The following VPS41 variants were observed in gnomAD, a reference collection of about 807,000 sequenced individuals.
The protein encoded by VPS41 is vacuolar protein sorting-associated protein 41 homolog.
Under a neutral mutation model 130.9 loss-of-function variants are expected in VPS41, and 85 were observed. That is an observed-to-expected ratio of 0.65 (90% CI 0.55 to 0.78). The LOEUF is 0.78. Ranked by LOEUF, VPS41 falls within the 30% of genes least tolerant of loss-of-function variation. VPS41 has a pLI of 0.00. For synonymous variants in VPS41, 335 were observed against 332.9 expected, an observed-to-expected ratio of 1.01 and a Z score of -0.07; for missense variants, 874 against 1,018.7, an observed-to-expected ratio of 0.86 and a Z score of 1.93.
chr7:38,846,431 C>T (rs1312080350), intron 4 of VPS41, among the ~76,000 whole-genome samples: 1 of 152,154 alleles, frequency 6.6e-6, no homozygotes, highest in African/African-American at 2.4e-5. Flanking sequence ...GAGAAGATGA[C>T]ACCGATAATT....
chr7:38,780,086 A>G (rs1784329087), intron 10 of VPS41, among the ~76,000 whole-genome samples: 1 of 136,920 alleles, frequency 7.3e-6, no homozygotes, highest in African/African-American at 2.5e-5. Flanking sequence ...ATTATCTGGA[A>G]AAGATAAATC....
intron 2 of VPS41, among the ~76,000 whole-genome samples, chr7:38,877,146 C>G (rs542415215): frequency 6.6e-6 from 1 of 152,234 alleles, no homozygotes; most frequent in African/African-American, 2.4e-5. Context: ...CCTAACAGAA[C>G]TGTGGGTACC....
chr7:38,753,136 C>T (rs966263234), intron 21 of VPS41, among the ~76,000 whole-genome samples: 1 of 152,056 alleles, frequency 6.6e-6, no homozygotes, highest in South Asian at 2.1e-4. Context: ...TAAACAAAAA[C>T]CCCACAATCT....
chr7:38,877,779 G>A (rs557399569), intron 2 of VPS41, among the ~76,000 whole-genome samples: 3 of 152,250 alleles, frequency 2.0e-5, no homozygotes, highest in East Asian at 3.9e-4. Context: ...TGACACATTT[G>A]TTGAATCTAA....
intron 5 of VPS41, among the ~76,000 whole-genome samples, chr7:38,827,994 A>G (rs1283954963): frequency 6.6e-6 from 1 of 152,042 alleles, no homozygotes; most frequent in East Asian, 1.9e-4. Context: ...CCAAGGCAGG[A>G]CCAAAAAAAA....
At chr7:38,883,375 C>T (rs181173849) in intron 2 of VPS41, among the ~76,000 whole-genome samples, 3 of 152,322 alleles carry the variant, frequency 2.0e-5, no homozygotes, top group East Asian at 3.9e-4. Flanking sequence ...TCCTAGAAGA[C>T]ATCCAGCATG....
rs549682990 is a variant in VPS41 at position 38,897,642 on chromosome 7, C to T, written c.60+449G>A. Among the ~76,000 whole-genome samples the T allele has an allele frequency of 2.1e-4, 8 of 38,286 alleles. 1 individual carries two copies. The South Asian group carries it at 5.0e-3, about 24-fold the overall frequency. 25.1% of individuals were successfully genotyped at this position (38,286 alleles called of 152,430 possible). A position where few individuals can be genotyped will look rare whatever the true frequency, so the allele number is the denominator to read the frequency against. On this transcript the variant is annotated intron_variant, in intron 2 of 28. Coordinates refer to ENST00000310301, the MANE Select transcript of VPS41 (RefSeq NM_014396.4). ...CCTGGGCAACAGAGCGAGACTCCGT[C>T]TCAAAAAAAAAAAAAAAAAAGAAGC...
rs183926701 is a variant in VPS41 at position 38,799,559 on chromosome 7, A to G, written c.451-2695T>C. Among the ~76,000 whole-genome samples, 6 of 152,292 alleles carry G rather than the reference A, an allele frequency of 3.9e-5. No homozygotes were observed. In the East Asian group the frequency reaches 9.6e-4, roughly 24 times the overall value. ...TTTCATTGAGGGATACGAAAGGAGA[A>G]CTCAATAAACAGAAAGGCACATTAT... On this transcript the variant is annotated intron_variant, in intron 7 of 28. Coordinates refer to ENST00000310301, the MANE Select transcript of VPS41 (RefSeq NM_014396.4).
At chr7:38,819,324 G>A (rs1037274507) in intron 6 of VPS41, among the ~76,000 whole-genome samples, 4 of 152,174 alleles carry the variant, frequency 2.6e-5, no homozygotes, top group Non-Finnish European at 5.9e-5. Context: ...TCATTGCTTA[G>A]TGCTGCTCCA....
chr7:38,818,072 T>A (rs1785094656), intron 6 of VPS41, among the ~76,000 whole-genome samples, 190 bp from the exon 7 acceptor site: 1 of 152,182 alleles, frequency 6.6e-6, no homozygotes, highest in Non-Finnish European at 1.5e-5. Context: ...AAAGATTTCT[T>A]CTCTGAAGCC....
At chr7:38,903,907 T>C (rs2116459435) in intron 1 of VPS41, among the ~76,000 whole-genome samples, 1 of 152,220 alleles carries the variant, frequency 6.6e-6, no homozygotes, top group African/African-American at 2.4e-5. Flanking sequence ...AGAAAAATCT[T>C]GACGTGTGCC....
chr7:38,749,904 C>G (rs533962018), intron 22 of VPS41, among the ~76,000 whole-genome samples: 1 of 152,172 alleles, frequency 6.6e-6, no homozygotes, highest in African/African-American at 2.4e-5. Flanking sequence ...GCTTTCTCGC[C>G]TAGGCCGGAG....
chr7:38,878,062 T>G (rs1021571256), intron 2 of VPS41, among the ~76,000 whole-genome samples: 14 of 152,176 alleles, frequency 9.2e-5, no homozygotes, highest in African/African-American at 3.4e-4. Flanking sequence ...GCTGAGACTC[T>G]AAACCTCTAT....
chr7:38,821,263 C>T lies in VPS41; in HGVS notation c.324G>A (p.Val108=), dbSNP rs770625625. 32 of 1,613,006 alleles carry T rather than the reference C, an allele frequency of 2.0e-5. 1 individual carries two copies. Among genetic ancestry groups the T allele is most frequent in the Non-Finnish European group, 2.5e-5 (30 of 1,179,208 alleles). Residue 108 remains valine, a splice_region_variant and synonymous_variant, in exon 6 of 29, where the codon GTG becomes GTA. Coordinates refer to ENST00000310301, the MANE Select transcript of VPS41 (RefSeq NM_014396.4). ...HMGVCSEDGK[V]QVFGLYSGEE... ...CTCCAGAATACAGTCCAAATACCTG[C>T]ACCTACAAAGAAAATGGATTGTATC...
chr7:38,817,744 A>C lies in VPS41; in HGVS notation c.450+73T>G, dbSNP rs973403788. The C allele has an allele frequency of 2.5e-6, 3 of 1,214,356 alleles. No individual in the cohort carries two copies. The African/African-American group carries it at 4.5e-5, about 18-fold the overall frequency. The allele number at this position is 1,214,356 out of a possible 1,614,324, so 75.2% of individuals were successfully genotyped here. A position where few individuals can be genotyped will look rare whatever the true frequency, so the allele number is the denominator to read the frequency against. ...ATGAATAGCCAGACATAAAAACATTAAGGATAAATTACAGAGTAAGCACAC... is the reference window on the plus strand; with the variant it reads ...ATGAATAGCCAGACATAAAAACATTCAGGATAAATTACAGAGTAAGCACAC... On this transcript the variant is annotated intron_variant, in intron 7 of 28. Transcript: ENST00000310301.
intron 4 of VPS41, among the ~76,000 whole-genome samples, chr7:38,858,032 G>A (rs1786023061): frequency 6.6e-6 from 1 of 152,172 alleles, no homozygotes; most frequent in African/African-American, 2.4e-5. Flanking sequence ...AAGGAGTTGT[G>A]AAGACCAAGG....
At chr7:38,867,184 C>T (rs898822645) in intron 3 of VPS41, among the ~76,000 whole-genome samples, 1 of 152,098 alleles carries the variant, frequency 6.6e-6, no homozygotes, top group African/African-American at 2.4e-5. Context: ...ATATAGTATG[C>T]ATCTCTGGGA....
chr7:38,820,224 G>A (rs1261718217), intron 6 of VPS41, among the ~76,000 whole-genome samples: 2 of 152,024 alleles, frequency 1.3e-5, no homozygotes, highest in Admixed American at 6.5e-5. Context: ...TCTTTTCATT[G>A]AGATCCTGTA....
chr7:38,728,331 G>A (rs1467041943), intron 27 of VPS41: 15 of 706,346 alleles, frequency 2.1e-5, no homozygotes, highest in African/African-American at 1.2e-4. Flanking sequence ...GCCAGGTGAC[G>A]ATGACTCACC....
Sources: gnomAD v4.1 joint callset for allele counts (sites outside exome capture counted in the v4.1 genomes callset) on GRCh38, gnomAD v4.1.1 for gene constraint, MANE v1.5 for transcripts, NCBI Gene and HGNC (gene_info 2026-07-23, HGNC 2026-07-21) for gene names.